ARPP21: variants seen among roughly 807,000 people sequenced by gnomAD.
ARPP21 encodes the protein cAMP-regulated phosphoprotein 21.
Under a neutral mutation model 113.2 loss-of-function variants are expected in ARPP21, and 69 were observed. The ratio of observed to expected loss-of-function variants is 0.61; its 90% confidence interval spans 0.50 to 0.74. The LOEUF (loss-of-function observed/expected upper bound fraction) is 0.74, where lower values mean the gene tolerates loss of function less well. Ranked by LOEUF, ARPP21 falls within the 30% of genes least tolerant of loss-of-function variation. The pLI is 0.00. For missense variants in ARPP21, 1,070 were observed against 1,037.4 expected (o/e 1.03, Z -0.43); for synonymous variants, 368 against 375.5 (o/e 0.98, Z 0.23).
intron 19 of ARPP21, chr3:35,774,758 G>A (rs562783440): frequency 6.6e-5 from 10 of 152,236 alleles, no homozygotes; most frequent in African/African-American, 2.4e-4. Context: ...ATTTTCTCTG[G>A]AGAAAGTTTC....
At chr3:35,696,273 G>A (rs1183521652) in intron 9 of ARPP21, among the ~76,000 whole-genome samples, 3 of 151,594 alleles carry the variant, frequency 2.0e-5, no homozygotes, top group Admixed American at 6.6e-5. Flanking sequence ...AATAATATTT[G>A]TGTTCATTTG....
intron 9 of ARPP21, among the ~76,000 whole-genome samples, chr3:35,704,604 C>T (rs1259780460): frequency 6.6e-6 from 1 of 151,856 alleles, no homozygotes; most frequent in Non-Finnish European, 1.5e-5. Context: ...AAAGATCTCA[C>T]TAATGCTCTA....
chr3:35,652,242 C>A (rs1702695739), intron 1 of ARPP21, among the ~76,000 whole-genome samples: 1 of 152,100 alleles, frequency 6.6e-6, no homozygotes. Context: ...TTAGTCTTAG[C>A]ATCCTTCCAG....
Position 35,679,968 on chromosome 3 carries a change from T to A in ARPP21, c.-39+8T>A, listed in dbSNP as rs969217217. The A allele has an allele frequency of 1.3e-5, 2 of 152,148 alleles. No homozygotes were observed. The highest frequency in any genetic ancestry group is 2.9e-5 in the Non-Finnish European group (2 of 67,826). The allele number at this position is 152,148 out of a possible 1,614,324, so 9.4% of individuals were successfully genotyped here. On this transcript the variant is annotated splice_region_variant and intron_variant, in intron 2 of 20. Transcript: ENST00000684406. The stretch of plus-strand genomic sequence containing the variant: ...AGGAATTCTGCACCAAAGGTAAAGG[T>A]CTTGTTGTCTGGCTGTCATCTCATC...
chr3:35,736,158 CT>C (rs2094337565), intron 15 of ARPP21, among the ~76,000 whole-genome samples: 1 of 152,154 alleles, frequency 6.6e-6, no homozygotes, highest in Non-Finnish European at 1.5e-5. Flanking sequence ...CTTGGTCCCC[CT>C]GACTCCTAAT....
intron 18 of ARPP21, 77 bp from the exon 19 acceptor site, chr3:35,743,762 C>T (rs1455099880): frequency 8.0e-6 from 12 of 1,495,182 alleles, no homozygotes; most frequent in Middle Eastern, 3.5e-4. Flanking sequence ...AATTATAAGA[C>T]GAAAGCATAT....
chr3:35,708,332 T>A (rs765451532), intron 10 of ARPP21, among the ~76,000 whole-genome samples: 2 of 152,150 alleles, frequency 1.3e-5, no homozygotes, highest in African/African-American at 2.4e-5. Flanking sequence ...TACTTTAGAG[T>A]TCTTGGTATT....
At chr3:35,793,199 C>A (rs2096781928) in intron 20 of ARPP21, among the ~76,000 whole-genome samples, 1 of 152,226 alleles carries the variant, frequency 6.6e-6, no homozygotes, top group South Asian at 2.1e-4. Context: ...TCTACCTCCA[C>A]CTCCACAATA....
chr3:35,690,194 G>T, intron 8 of ARPP21, 54 bp downstream of exon 8: 1 of 859,924 alleles, frequency 1.2e-6, no homozygotes, highest in Non-Finnish European at 2.0e-6. Flanking sequence ...GTTTGGTATT[G>T]GAGTTAAATT....
chr3:35,792,978 G>A (rs555475605), intron 20 of ARPP21, among the ~76,000 whole-genome samples: 24 of 152,160 alleles, frequency 1.6e-4, no homozygotes, highest in Middle Eastern at 3.2e-3. Flanking sequence ...CTGGAGCCTA[G>A]CAACTACATT....
intron 20 of ARPP21, among the ~76,000 whole-genome samples, chr3:35,792,972 A>G (rs185180961): frequency 6.6e-6 from 1 of 152,348 alleles, no homozygotes; most frequent in Admixed American, 6.5e-5. Context: ...GCATTTCTGG[A>G]GCCTAGCAAC....
At chr3:35,763,816 T>C (rs1040863883) in intron 19 of ARPP21, among the ~76,000 whole-genome samples, 1 of 152,138 alleles carries the variant, frequency 6.6e-6, no homozygotes, top group Non-Finnish European at 1.5e-5. Flanking sequence ...GTAGAACTAT[T>C]CAGAAAAATC....
chr3:35,763,779 C>T (rs1378479), intron 19 of ARPP21, among the ~76,000 whole-genome samples: 5,402 of 152,134 alleles, frequency 0.036, 176 homozygotes, highest in South Asian at 0.11. Context: ...GTATTATTTC[C>T]GAAGTTTTCA....
chr3:35,768,079 CGTGTGTGTGTGTGTGTGTGTGTGT>C (rs5847897), intron 19 of ARPP21, among the ~76,000 whole-genome samples: 44 of 111,814 alleles, frequency 3.9e-4, no homozygotes, highest in African/African-American at 7.9e-4. Context: ...CATGCTTTTC[CGTGTGTGTGTGTGTGTGTGTGTGT>C]GTGTGTGTGT....
chr3:35,729,976 A>C (rs2093831095), intron 15 of ARPP21, among the ~76,000 whole-genome samples: 1 of 152,214 alleles, frequency 6.6e-6, no homozygotes, highest in Non-Finnish European at 1.5e-5. Flanking sequence ...ATCAGTTGAG[A>C]CATATAGTGA....
At chr3:35,673,980 T>C (rs1427102216) in intron 1 of ARPP21, among the ~76,000 whole-genome samples, 2 of 151,988 alleles carry the variant, frequency 1.3e-5, no homozygotes, top group Non-Finnish European at 2.9e-5. Flanking sequence ...ATTGAAGATA[T>C]GCATTTTATG....
rs2094410823 is a variant in ARPP21 at position 35,737,189 on chromosome 3, G to A, written c.1471G>A (p.Val491Met). The A allele has an allele frequency of 6.2e-7, 1 of 1,607,250 alleles. No homozygotes were observed. The highest frequency in any genetic ancestry group is 2.2e-5 in the East Asian group (1 of 44,750). ...LLNPHTGQPF[V>M]NPDGTPAIYN... ...TGATTCCATTGCAGGCCAGCCCTTT[G>A]TGAATCCCGATGGAACTCCTGCAAT... is the stretch of plus-strand genomic sequence containing the variant. The change falls in exon 16 of 21, where the codon GTG becomes ATG. Residue 491 changes from valine to methionine, a missense_variant. Physicochemically the swap from Val to Met is conservative, Grantham distance 21. Transcript: ENST00000684406.
intron 15 of ARPP21, among the ~76,000 whole-genome samples, chr3:35,736,918 A>C (rs1479515010): frequency 6.6e-6 from 1 of 152,184 alleles, no homozygotes; most frequent in African/African-American, 2.4e-5. Context: ...CCACAGATAC[A>C]TTTAGCTTTG....
intron 19 of ARPP21, among the ~76,000 whole-genome samples, chr3:35,754,905 A>G (rs2095522381): frequency 6.6e-6 from 1 of 152,032 alleles, no homozygotes; most frequent in Non-Finnish European, 1.5e-5. Flanking sequence ...TTTACTATAC[A>G]AAAGAAAGTA....
Sources: allele counts gnomAD v4.1 joint callset (sites outside exome capture counted in the v4.1 genomes callset), GRCh38; gene constraint gnomAD v4.1.1; transcripts MANE v1.5; gene names NCBI Gene and HGNC (gene_info 2026-07-23, HGNC 2026-07-21).